NR3C2: variants seen among roughly 807,000 people sequenced by gnomAD.
The protein encoded by NR3C2 is nuclear receptor subfamily 3 group C member 2.
NR3C2 carries 15 observed loss-of-function variants against 86.4 expected under a neutral mutation model. That is an observed-to-expected ratio of 0.17 (90% CI 0.12 to 0.27). The LOEUF (loss-of-function observed/expected upper bound fraction) is 0.27. Ranked by LOEUF, NR3C2 falls within the 10% of genes least tolerant of loss-of-function variation. The pLI is 1.00. For missense variants in NR3C2, 960 were observed against 1,195.6 expected (o/e 0.80, Z 2.91); for synonymous variants, 458 against 450.5 (o/e 1.02, Z -0.21).
rs1730520854 is a variant in NR3C2 at position 148,080,896 on chromosome 4, T to TAACAA, written c.*443_*447dup. Reference sequence around the variant, plus strand: ...TTATTATTTTTTTGTGTTTTTTTAATAACAAAAGAATATTAATGCCCCATA... The same window carrying TAACAA: ...TTATTATTTTTTTGTGTTTTTTTAATAACAAAACAAAAGAATATTAATGCCCCATA... On this transcript the variant is annotated 3_prime_UTR_variant, in exon 9 of 9. Transcript: ENST00000358102. 2.8e-6 allele frequency: 1 copy of TAACAA among 359,658 alleles called. No individual in the cohort carries two copies. The highest frequency in any genetic ancestry group is 2.1e-5 in the African/African-American group (1 of 46,754). The allele number at this position is 359,658 out of a possible 1,614,324, so 22.3% of individuals were successfully genotyped here.
chr4:148,442,800 C>A (rs28742132), upstream of NR3C2: 17 of 985,326 alleles, frequency 1.7e-5, no homozygotes, highest in Non-Finnish European at 2.0e-5. Context: ...TGCCCCCACC[C>A]CCATCGCTCG....
intron 3 of NR3C2, among the ~76,000 whole-genome samples, chr4:148,241,305 C>CAAAAAAAAAAAAAAAA (rs1374779029): frequency 5.3e-5 from 1 of 18,862 alleles, no homozygotes; most frequent in African/African-American, 2.5e-4. Flanking sequence ...AACTCTGTCT[C>CAAAAAAAAAAAAAAAA]AAAAAAAAAA....
chr4:148,307,314 T>C (rs1742678935), intron 2 of NR3C2, among the ~76,000 whole-genome samples: 1 of 152,202 alleles, frequency 6.6e-6, no homozygotes, highest in African/African-American at 2.4e-5. Context: ...TAAAATGTGT[T>C]GTGTACTAGA....
intron 3 of NR3C2, among the ~76,000 whole-genome samples, chr4:148,214,227 C>T (rs1737415383): frequency 6.6e-6 from 1 of 152,242 alleles, no homozygotes; most frequent in Non-Finnish European, 1.5e-5. Context: ...AAGGGCAGTG[C>T]TTAGCAGAAT....
intron 2 of NR3C2, among the ~76,000 whole-genome samples, chr4:148,368,006 A>C (rs1746236243): frequency 6.6e-6 from 1 of 151,776 alleles, no homozygotes; most frequent in Admixed American, 6.6e-5. Context: ...AGGTGCACAA[A>C]ACTCGTCCCC....
intron 3 of NR3C2, among the ~76,000 whole-genome samples, chr4:148,231,791 T>C (rs983120569): frequency 7.9e-5 from 12 of 152,232 alleles, no homozygotes; most frequent in African/African-American, 2.7e-4. Flanking sequence ...TCTCTACCAC[T>C]GCTGTGTCAA....
At chr4:148,379,713 G>A (rs1003911016) in intron 2 of NR3C2, among the ~76,000 whole-genome samples, 22 of 152,276 alleles carry the variant, frequency 1.4e-4, no homozygotes, top group South Asian at 8.3e-4. Context: ...CAATGATAAA[G>A]AGAAAGATGA....
chr4:148,354,579 AC>A (rs1172825950), intron 2 of NR3C2, among the ~76,000 whole-genome samples: 1 of 152,180 alleles, frequency 6.6e-6, no homozygotes, highest in African/African-American at 2.4e-5. Context: ...AAAATGAATT[AC>A]ACTGTTCTGC....
At position 148,351,612 on chromosome 4, in the gene NR3C2, A is replaced by C. The variant is rs1745281301; in HGVS notation, c.1757+83492T>G. Among the ~76,000 whole-genome samples, 5 of 152,186 alleles carry C rather than the reference A, an allele frequency of 3.3e-5. No homozygotes were observed. The South Asian group carries it at 1.0e-3, about 31-fold the overall frequency. On this transcript the variant is annotated intron_variant, in intron 2 of 8. Coordinates refer to ENST00000358102, the MANE Select transcript of NR3C2 (RefSeq NM_000901.5). ...CTCATGGCTTAGTAACAGCCTTGGA[A>C]GAGATGTGAGCCACTTGAGAGCAGG...
chr4:148,293,207 C>CA (rs1000210066), intron 2 of NR3C2, among the ~76,000 whole-genome samples: 8 of 152,196 alleles, frequency 5.3e-5, no homozygotes, highest in Admixed American at 3.3e-4. Context: ...TGACCACAGG[C>CA]AAAATCAAAC....
At chr4:148,270,150 A>G (rs1165785931) in intron 2 of NR3C2, among the ~76,000 whole-genome samples, 1 of 151,716 alleles carries the variant, frequency 6.6e-6, no homozygotes, top group East Asian at 1.9e-4. Context: ...GACCTTTATC[A>G]GCAACAAAAT....
chr4:148,293,564 T>C (rs1483312046), intron 2 of NR3C2, among the ~76,000 whole-genome samples: 1 of 152,202 alleles, frequency 6.6e-6, no homozygotes, highest in Non-Finnish European at 1.5e-5. Context: ...CCTAAAATAC[T>C]CACATTTTAA....
intron 2 of NR3C2, among the ~76,000 whole-genome samples, chr4:148,403,629 T>C (rs1254984408): frequency 6.6e-6 from 1 of 152,096 alleles, no homozygotes; most frequent in Admixed American, 6.5e-5. Flanking sequence ...GATTTTAAAA[T>C]AAGGCAATAA....
chr4:148,310,855 T>C (rs1190013167), intron 2 of NR3C2, among the ~76,000 whole-genome samples: 2 of 152,188 alleles, frequency 1.3e-5, no homozygotes, highest in East Asian at 1.9e-4. Context: ...GACAGAATTC[T>C]CTGTGCTCCC....
Position 148,383,554 on chromosome 4 carries a change from T to C in NR3C2, c.1757+51550A>G, listed in dbSNP as rs181513303. ...AAACAACAGCTGCTTGAGTAGGAAT[T>C]TACCATACCAAAATGTAAACTAACA... On this transcript the variant is annotated intron_variant, in intron 2 of 8. Transcript: ENST00000358102. Among the ~76,000 whole-genome samples, 87 of 152,300 alleles carry C rather than the reference T, an allele frequency of 5.7e-4. 2 individuals carry two copies. The highest frequency in any genetic ancestry group is 5.7e-3 in the Admixed American group (87 of 15,292).
At chr4:148,323,414 G>C (rs373321852) in intron 2 of NR3C2, among the ~76,000 whole-genome samples, 2 of 146,606 alleles carry the variant, frequency 1.4e-5, no homozygotes, top group Non-Finnish European at 3.0e-5. Context: ...CACCCAGTTC[G>C]AGCTTCCTGG....
intron 3 of NR3C2, among the ~76,000 whole-genome samples, chr4:148,230,152 TACAGGGGAGA>T (rs2149836871): frequency 6.6e-6 from 1 of 152,246 alleles, no homozygotes; most frequent in Non-Finnish European, 1.5e-5. Context: ...AACAGGCACT[TACAGGGGAGA>T]ACAGAGAGAT....
chr4:148,352,836 G>A (rs529917371), intron 2 of NR3C2, among the ~76,000 whole-genome samples: 1 of 152,008 alleles, frequency 6.6e-6, no homozygotes, highest in South Asian at 2.1e-4. Context: ...AACTCACAAA[G>A]CAAACCCCTA....
chr4:148,107,765 A>T, intron 8 of NR3C2, among the ~76,000 whole-genome samples: 1 of 152,170 alleles, frequency 6.6e-6, no homozygotes, highest in African/African-American at 2.4e-5. Flanking sequence ...CAAACACTAC[A>T]TGTTCTCACT....
Sources: gnomAD v4.1 joint callset for allele counts (sites outside exome capture counted in the v4.1 genomes callset) on GRCh38, gnomAD v4.1.1 for gene constraint, MANE v1.5 for transcripts, NCBI Gene and HGNC (gene_info 2026-07-23, HGNC 2026-07-21) for gene names.